FER: variants seen among roughly 807,000 people sequenced by gnomAD.
FER encodes the protein FER tyrosine kinase, also known as tyrosine-protein kinase Fer.
In FER, 63 loss-of-function variants were observed where a neutral mutation model predicts 111.0. That is an observed-to-expected ratio of 0.57 (90% CI 0.46 to 0.70). The LOEUF is 0.70. FER is among the 30% of genes least tolerant of loss of function. FER has a pLI of 0.00. For missense variants in FER, 914 were observed against 954.0 expected, an observed-to-expected ratio of 0.96 and a Z score of 0.55; for synonymous variants, 327 against 313.9, an observed-to-expected ratio of 1.04 and a Z score of -0.44.
intron 13 of FER, among the ~76,000 whole-genome samples, chr5:108,991,502 C>G (rs1581541020): frequency 6.6e-6 from 1 of 152,202 alleles, no homozygotes; most frequent in South Asian, 2.1e-4. Context: ...AAGAAATTAG[C>G]AGCTTTTCAG....
intron 10 of FER, among the ~76,000 whole-genome samples, chr5:108,924,360 C>CAAAAAAAAAAAAAA (rs59469649): frequency 1.0e-4 from 10 of 99,078 alleles, no homozygotes; most frequent in African/African-American, 3.7e-4. Flanking sequence ...AACTCTGTCT[C>CAAAAAAAAAAAAAA]AAAAAAAAAA....
chr5:108,788,795 G>C (rs543863493), intron 2 of FER, among the ~76,000 whole-genome samples: 3 of 152,182 alleles, frequency 2.0e-5, no homozygotes, highest in Non-Finnish European at 4.4e-5. Context: ...CAGCTGAAAC[G>C]ATTATAGTTT....
At chr5:108,872,549 G>T (rs1239271066) in intron 8 of FER, among the ~76,000 whole-genome samples, 1 of 151,966 alleles carries the variant, frequency 6.6e-6, no homozygotes, top group Non-Finnish European at 1.5e-5. Flanking sequence ...TGGAAATTAG[G>T]TTGTTTACTG....
intron 5 of FER, among the ~76,000 whole-genome samples, chr5:108,861,459 T>G (rs1274462356): frequency 6.6e-6 from 1 of 152,182 alleles, no homozygotes. Flanking sequence ...AAATTATAAT[T>G]TAATCTCTTT....
At chr5:108,865,889 C>G (rs553667632) in intron 5 of FER, among the ~76,000 whole-genome samples, 74 of 152,272 alleles carry the variant, frequency 4.9e-4, no homozygotes, top group Non-Finnish European at 1.0e-4. Flanking sequence ...CAATGAGATA[C>G]CATCTCACAC....
intron 3 of FER, among the ~76,000 whole-genome samples, chr5:108,814,577 A>G (rs1437026977): frequency 2.6e-5 from 4 of 152,222 alleles, no homozygotes; most frequent in Non-Finnish European, 2.9e-5. Context: ...TTATCTTTAA[A>G]GCAAAATTAG....
At chr5:109,102,857 G>T (rs1748422205) in intron 17 of FER, among the ~76,000 whole-genome samples, 1 of 151,770 alleles carries the variant, frequency 6.6e-6, no homozygotes, top group Admixed American at 6.6e-5. Flanking sequence ...TCTTTGTGTT[G>T]AGTTTTTTTA....
intron 17 of FER, among the ~76,000 whole-genome samples, chr5:109,147,846 A>G (rs1215462612): frequency 1.3e-5 from 2 of 151,488 alleles, no homozygotes; most frequent in Non-Finnish European, 3.0e-5. Context: ...GAGAAATACT[A>G]GTGAAACACA....
intron 17 of FER, among the ~76,000 whole-genome samples, chr5:109,165,703 A>G (rs1203871231): frequency 6.6e-6 from 1 of 151,924 alleles, no homozygotes; most frequent in East Asian, 1.9e-4. Context: ...GGGAAAATCT[A>G]TGACTATTCA....
At chr5:109,164,372 TACTATTGTTA>T (rs1192893465) in intron 17 of FER, among the ~76,000 whole-genome samples, 1 of 152,316 alleles carries the variant, frequency 6.6e-6, no homozygotes, top group Admixed American at 6.5e-5. Flanking sequence ...CATTTTTCTT[TACTATTGTTA>T]ACTAAGTTGC....
intron 10 of FER, chr5:108,924,803 C>T (rs1293096535): frequency 1.6e-6 from 2 of 1,231,680 alleles, no homozygotes; most frequent in Non-Finnish European, 2.0e-6. Flanking sequence ...AGGAGAAGTT[C>T]TGCCACAGGC....
At chr5:108,916,125 CAAATT>C in intron 10 of FER, among the ~76,000 whole-genome samples, 1 of 152,130 alleles carries the variant, frequency 6.6e-6, no homozygotes, top group African/African-American at 2.4e-5. Context: ...TTTGCATTCT[CAAATT>C]AAAAATATTT....
intron 17 of FER, among the ~76,000 whole-genome samples, chr5:109,162,262 G>C (rs531816021): frequency 7.2e-5 from 11 of 152,186 alleles, no homozygotes; most frequent in Non-Finnish European, 1.2e-4. Context: ...TGTTTCGTAA[G>C]AGTTCTTTCG....
chr5:109,019,594 C>T (rs1180998313), intron 13 of FER, among the ~76,000 whole-genome samples: 83 of 151,704 alleles, frequency 5.5e-4, no homozygotes, highest in Non-Finnish European at 2.2e-4. Flanking sequence ...CTATGCCAGG[C>T]CTACTGATTC....
At chr5:108,772,884 C>T (rs887120829) in intron 2 of FER, among the ~76,000 whole-genome samples, 12 of 152,146 alleles carry the variant, frequency 7.9e-5, no homozygotes, top group African/African-American at 2.7e-4. Flanking sequence ...GCAGTCTAGT[C>T]TTTCAGAAAT....
At chr5:108,861,836 G>A (rs529306161) in intron 5 of FER, among the ~76,000 whole-genome samples, 2 of 152,204 alleles carry the variant, frequency 1.3e-5, no homozygotes, top group Non-Finnish European at 2.9e-5. Flanking sequence ...TAACATTTCT[G>A]AAATTGACTT....
intron 17 of FER, among the ~76,000 whole-genome samples, chr5:109,109,678 A>G (rs907157705): frequency 7.9e-5 from 12 of 152,088 alleles, no homozygotes; most frequent in Non-Finnish European, 1.5e-4. Context: ...GAAACCACAC[A>G]CGCCCATACC....
intron 13 of FER, among the ~76,000 whole-genome samples, chr5:109,018,126 A>T (rs72790533): frequency 6.6e-6 from 1 of 151,956 alleles, no homozygotes; most frequent in Non-Finnish European, 1.5e-5. Flanking sequence ...ACTTCTACTT[A>T]GTACATTTTC....
intron 16 of FER, among the ~76,000 whole-genome samples, chr5:109,075,355 G>C (rs1460562755): frequency 6.6e-6 from 1 of 151,082 alleles, no homozygotes; most frequent in Non-Finnish European, 1.5e-5. Context: ...ATATATGAAA[G>C]CATATAACTT....
Sources: gnomAD v4.1 joint callset for allele counts (sites outside exome capture counted in the v4.1 genomes callset) on GRCh38, gnomAD v4.1.1 for gene constraint, MANE v1.5 for transcripts, NCBI Gene and HGNC (gene_info 2026-07-23, HGNC 2026-07-21) for gene names.